The following VWA8 variants were observed in gnomAD, a reference collection of about 807,000 sequenced individuals.
The protein encoded by VWA8 is von Willebrand factor A domain containing 8.
Under a neutral mutation model 241.5 loss-of-function variants are expected in VWA8, and 221 were observed. The observed-to-expected ratio is 0.91, with a 90% CI of 0.82 to 1.02. The LOEUF is 1.02. VWA8 is among the 50% of genes least tolerant of loss of function. The pLI is 0.00. For missense variants in VWA8, 2,322 were observed against 2,328.7 expected, an observed-to-expected ratio of 1.00 and a Z score of 0.06; for synonymous variants, 852 against 827.1, an observed-to-expected ratio of 1.03 and a Z score of -0.52.
intron 12 of VWA8, among the ~76,000 whole-genome samples, chr13:41,853,396 G>A (rs1872603020): frequency 2.0e-5 from 3 of 152,198 alleles, no homozygotes; most frequent in South Asian, 2.1e-4. Context: ...TTCACAAAAC[G>A]AGTCTGAAAG....
intron 3 of VWA8, among the ~76,000 whole-genome samples, chr13:41,910,904 T>C (rs1405668323): frequency 6.6e-6 from 1 of 152,144 alleles, no homozygotes. Flanking sequence ...AATCATTTCA[T>C]AGCAAATAAT....
At chr13:41,839,630 C>A (rs1169691812) in intron 12 of VWA8, among the ~76,000 whole-genome samples, 3 of 151,990 alleles carry the variant, frequency 2.0e-5, no homozygotes, top group African/African-American at 7.2e-5. Flanking sequence ...GTTTTCCTAG[C>A]ACCATTTATT....
chr13:41,603,108 C>T, intron 40 of VWA8, among the ~76,000 whole-genome samples: 1 of 152,128 alleles, frequency 6.6e-6, no homozygotes, highest in South Asian at 2.1e-4. Context: ...TTATTGACTC[C>T]AACCCCCTTA....
chr13:41,738,226 T>C (rs1227909537), intron 21 of VWA8, among the ~76,000 whole-genome samples: 2 of 152,210 alleles, frequency 1.3e-5, no homozygotes, highest in Admixed American at 1.3e-4. Flanking sequence ...ATAGTTATTT[T>C]GTTGGACTGT....
Position 41,764,592 on chromosome 13 carries a change from G to A in VWA8, c.2350-3388C>T, listed in dbSNP as rs113703632. Among the ~76,000 whole-genome samples, 1,411 of 152,164 alleles carry A rather than the reference G, an allele frequency of 9.3e-3. 32 individuals carry two copies. The highest frequency in any genetic ancestry group is 0.031 in the African/African-American group (1,267 of 41,490). ...CCGACTGCACAGTTATGTTTAGATC[G>A]AGATATCAAGGAACTAAAGAGGTAT... is the stretch of plus-strand genomic sequence containing the variant. On this transcript the variant is annotated intron_variant, in intron 20 of 44. Transcript: ENST00000379310.
chr13:41,741,134 C>T lies in VWA8; in HGVS notation c.2427-8979G>A, dbSNP rs549262597. Among the ~76,000 whole-genome samples, 315 of 152,274 alleles carry T rather than the reference C, an allele frequency of 2.1e-3. 2 individuals are homozygous for T. The highest frequency in any genetic ancestry group is 6.9e-3 in the African/African-American group (285 of 41,560). ...TATTACGTATTTTAACGATCTCATTCTCCCTCTCACCAGCAACTATAGATA... is the reference window on the plus strand; with the variant it reads ...TATTACGTATTTTAACGATCTCATTTTCCCTCTCACCAGCAACTATAGATA... On this transcript the variant is annotated intron_variant, in intron 21 of 44. Transcript: ENST00000379310.
At chr13:41,618,309 AC>A (rs2044634960) in intron 37 of VWA8, among the ~76,000 whole-genome samples, 1 of 152,270 alleles carries the variant, frequency 6.6e-6, no homozygotes, top group South Asian at 2.1e-4. Context: ...TCCTTTGCCC[AC>A]TTTTTGATGG....
intron 4 of VWA8, among the ~76,000 whole-genome samples, chr13:41,901,773 C>T (rs1192484392): frequency 1.4e-5 from 2 of 143,988 alleles, no homozygotes; most frequent in Non-Finnish European, 3.0e-5. Context: ...GGCTGAGGCA[C>T]GAGAATTGCT....
chr13:41,903,112 T>C (rs1875536300), intron 4 of VWA8, among the ~76,000 whole-genome samples: 1 of 152,138 alleles, frequency 6.6e-6, no homozygotes, highest in South Asian at 2.1e-4. Flanking sequence ...CCTTTCGGTG[T>C]AACAAATATA....
chr13:41,822,461 T>C (rs1268369547), intron 14 of VWA8, among the ~76,000 whole-genome samples: 3 of 152,184 alleles, frequency 2.0e-5, no homozygotes, highest in Non-Finnish European at 4.4e-5. Context: ...ACATTCCTTA[T>C]GCATCTTTTT....
At chr13:41,696,824 C>T (rs1405445079) in intron 29 of VWA8, among the ~76,000 whole-genome samples, 1 of 152,238 alleles carries the variant, frequency 6.6e-6, no homozygotes, top group Non-Finnish European at 1.5e-5. Context: ...AACTCATTTT[C>T]AAATCATTGA....
At chr13:41,960,132 T>G (rs1206236200) in intron 1 of VWA8, among the ~76,000 whole-genome samples, 1 of 152,140 alleles carries the variant, frequency 6.6e-6, no homozygotes, top group Non-Finnish European at 1.5e-5. Flanking sequence ...AAAGAATTCC[T>G]AAAACCAGCT....
At chr13:41,788,850 C>T (rs1253638016) in intron 17 of VWA8, among the ~76,000 whole-genome samples, 3 of 152,162 alleles carry the variant, frequency 2.0e-5, no homozygotes, top group Non-Finnish European at 4.4e-5. Context: ...GTTGGCTATT[C>T]CCAGGCTTCC....
At chr13:41,569,624 C>T (rs1373702060) in intron 44 of VWA8, among the ~76,000 whole-genome samples, 1 of 150,778 alleles carries the variant, frequency 6.6e-6, no homozygotes, top group Non-Finnish European at 1.5e-5. Context: ...AAAACGTAGG[C>T]CCTTTGTGCT....
intron 9 of VWA8, among the ~76,000 whole-genome samples, chr13:41,877,256 T>C (rs535359819): frequency 6.6e-6 from 1 of 152,186 alleles, no homozygotes; most frequent in East Asian, 1.9e-4. Flanking sequence ...CATATCTCCC[T>C]TAACCCACCT....
intron 2 of VWA8, among the ~76,000 whole-genome samples, chr13:41,918,693 G>C (rs1876372007): frequency 6.6e-6 from 1 of 151,958 alleles, no homozygotes. Context: ...TCCACAATAT[G>C]TTGCTTTATG....
At chr13:41,804,901 A>C (rs1336082656) in intron 17 of VWA8, among the ~76,000 whole-genome samples, 2 of 152,228 alleles carry the variant, frequency 1.3e-5, no homozygotes, top group Non-Finnish European at 2.9e-5. Flanking sequence ...CCTCGAACCA[A>C]AAAATCCAAA....
At chr13:41,925,251 G>A (rs939584136) in intron 2 of VWA8, among the ~76,000 whole-genome samples, 1 of 152,160 alleles carries the variant, frequency 6.6e-6, no homozygotes, top group Non-Finnish European at 1.5e-5. Flanking sequence ...TGCCTTACAA[G>A]AAATGCTTCA....
intron 9 of VWA8, among the ~76,000 whole-genome samples, chr13:41,874,347 G>A (rs1467849542): frequency 2.6e-5 from 4 of 151,676 alleles, no homozygotes; most frequent in Non-Finnish European, 5.9e-5. Flanking sequence ...CAATTAGGCA[G>A]GAGAAGGAAA....
Sources: gnomAD v4.1 joint callset for allele counts (sites outside exome capture counted in the v4.1 genomes callset) on GRCh38, gnomAD v4.1.1 for gene constraint, MANE v1.5 for transcripts, NCBI Gene and HGNC (gene_info 2026-07-23, HGNC 2026-07-21) for gene names.